Variants in SLC9A3 observed in about 807,000 individuals in gnomAD.
SLC9A3 encodes the protein solute carrier family 9 member A3, also known as sodium/hydrogen exchanger 3.
SLC9A3 carries 37 observed loss-of-function variants against 86.8 expected under a neutral mutation model. The ratio of observed to expected loss-of-function variants is 0.43; its 90% CI spans 0.33 to 0.56. SLC9A3 has a LOEUF of 0.56. Among genes scored for constraint, SLC9A3 ranks in the 20% least tolerant of loss-of-function variants. The pLI, the probability that SLC9A3 is intolerant of heterozygous loss-of-function variation, is 0.06. For synonymous variants in SLC9A3, 581 were observed against 528.3 expected (o/e 1.10, Z -1.37); for missense variants, 1,011 against 1,171.9 (o/e 0.86, Z 2.00).
At chr5:508,601 G>A (rs1740725526) in intron 1 of SLC9A3, among the ~76,000 whole-genome samples, 1 of 146,326 alleles carries the variant, frequency 6.8e-6, no homozygotes, top group Non-Finnish European at 1.5e-5. Context: ...GCCGCAGGGA[G>A]ACGCAGCCCA....
Position 479,860 on chromosome 5 carries a change from C to T in SLC9A3, c.1623G>A (p.Lys541=), listed in dbSNP as rs751837661. 9.9e-6 allele frequency: 16 copies of T among 1,613,718 alleles called. No individual in the cohort carries two copies. The highest frequency in any genetic ancestry group is 6.8e-6 in the Non-Finnish European group (8 of 1,180,018). Residue 541 remains lysine (K), a synonymous_variant, in exon 10 of 17, where the codon AAG becomes AAA. Coordinates refer to ENST00000264938, the MANE Select transcript of SLC9A3 (RefSeq NM_004174.4). ...CCTCAGCCACGTAGCTGATGGCATC[C>T]TTCAGGTTCAGCTCGTGGAAGACAT... The part of the protein sequence containing the change: ...ILNVFHELNL[K]DAISYVAEGE...
intron 10 of SLC9A3, 93 bp downstream of exon 10, chr5:479,743 G>A (rs1483966447): frequency 2.4e-5 from 33 of 1,351,128 alleles, no homozygotes; most frequent in Non-Finnish European, 3.2e-5. Context: ...TGGGACGCGG[G>A]TGCAGGGGCC....
chr5:523,851 C>T (rs1427056339), intron 1 of SLC9A3, among the ~76,000 whole-genome samples: 4 of 152,194 alleles, frequency 2.6e-5, no homozygotes, highest in Non-Finnish European at 5.9e-5. Context: ...GGCGGAGACC[C>T]CACAGGGACC....
chr5:490,544 G>A (rs903227733), intron 2 of SLC9A3, among the ~76,000 whole-genome samples: 23 of 152,284 alleles, frequency 1.5e-4, no homozygotes, highest in South Asian at 2.1e-4. Flanking sequence ...GAGTGTGCCC[G>A]GCTCTCAAAG....
intron 1 of SLC9A3, among the ~76,000 whole-genome samples, chr5:504,576 G>T (rs2126643168): frequency 6.6e-6 from 1 of 152,284 alleles, no homozygotes; most frequent in Non-Finnish European, 1.5e-5. Flanking sequence ...CGGGCTCACG[G>T]CCCCGCTGCC....
chr5:491,656 A>G lies in SLC9A3; in HGVS notation c.514+113T>C. 1.0e-6 allele frequency: 1 copy of G among 994,194 alleles called. No individual in the cohort carries two copies. Among genetic ancestry groups the G allele is most frequent in the Non-Finnish European group, 1.4e-6 (1 of 697,100 alleles). The allele number at this position is 994,194 out of a possible 1,614,324, so 61.6% of individuals were successfully genotyped here. On this transcript the variant is annotated intron_variant, in intron 2 of 16. Transcript: ENST00000264938. The surrounding 1 kb of genome is among the most constrained non-coding windows in gnomAD (Gnocchi z 9.2). ...CTGCCAGCCACGTTTCTCACCTGACACTTACCGCCTGGAGGCCAGGGTGCG... is the reference window on the plus strand; with the variant it reads ...CTGCCAGCCACGTTTCTCACCTGACGCTTACCGCCTGGAGGCCAGGGTGCG...
chr5:520,579 T>C (rs758897265), intron 1 of SLC9A3, among the ~76,000 whole-genome samples: 13 of 151,982 alleles, frequency 8.6e-5, no homozygotes, highest in Non-Finnish European at 1.8e-4. Context: ...CTCTGCCCCA[T>C]GGCCAGGCAG....
In SLC9A3 at chr5:512,480, T is replaced by C. The variant is rs369244594; in HGVS notation, c.211+11632A>G. Among the ~76,000 whole-genome samples the C allele has an allele frequency of 5.3e-3, 771 of 144,410 alleles. 7 individuals carry two copies. The highest frequency in any genetic ancestry group is 0.017 in the African/African-American group (680 of 40,716). The allele number at this position is 144,410 out of a possible 152,430, so 94.7% of individuals were successfully genotyped here. A position where few individuals can be genotyped will look rare whatever the true frequency, so the allele number is the denominator to read the frequency against. On this transcript the variant is annotated intron_variant, in intron 1 of 16. Transcript: ENST00000264938. The stretch of plus-strand genomic sequence containing the variant: ...TTAATTAATAATAATGTATCAAGAA[T>C]GAGCCCTAATATAAACTGTGGACCT...
chr5:483,242 G>A lies in SLC9A3; in HGVS notation c.1153+20C>T, dbSNP rs764023948. The A allele has an allele frequency of 1.3e-4, 194 of 1,524,676 alleles. 4 individuals are homozygous for A. Among genetic ancestry groups the A allele is most frequent in the South Asian group, 1.0e-3 (83 of 83,338 alleles). 94.4% of individuals were successfully genotyped at this position (1,524,676 alleles called of 1,614,324 possible). A position where few individuals can be genotyped will look rare whatever the true frequency, so the allele number is the denominator to read the frequency against. ...CCGGCCCATCGGTGGTCCCACGGCC[G>A]CAACCCGGCCCCGCCTCACCGATGG... On this transcript the variant is annotated intron_variant, in intron 6 of 16. Coordinates refer to ENST00000264938, the MANE Select transcript of SLC9A3 (RefSeq NM_004174.4).
intron 1 of SLC9A3, among the ~76,000 whole-genome samples, chr5:510,634 C>A (rs558546935): frequency 3.3e-5 from 5 of 152,348 alleles, no homozygotes; most frequent in African/African-American, 1.2e-4. Context: ...CAGGCATTTG[C>A]TGAGGGCCCG....
chr5:492,373 TAGGGGGGAA>T (rs1560961658), intron 1 of SLC9A3, among the ~76,000 whole-genome samples: 7 of 15,204 alleles, frequency 4.6e-4, no homozygotes, highest in South Asian at 2.7e-3. Context: ...GGGAGGGAGG[TAGGGGGGAA>T]CCCACAGGGG....
Position 482,553 on chromosome 5 carries a change from A to T in SLC9A3, c.1351T>A (p.Phe451Ile), listed in dbSNP as rs199716115. Residue 451 changes from phenylalanine to isoleucine, a missense_variant, in exon 7 of 17, where the codon TTC becomes ATC. This residue lies in a region of SLC9A3 where 565 missense variants were observed against 790.0 expected (regional missense o/e 0.72). Coordinates refer to ENST00000264938, the MANE Select transcript of SLC9A3 (RefSeq NM_004174.4). Reference sequence around the variant, plus strand: ...CTGGCTGGGCTGGGCCTCACCTGGAAGATGACGGTGAAGAACACTACGATG... The same window carrying T: ...CTGGCTGGGCTGGGCCTCACCTGGATGATGACGGTGAAGAACACTACGATG... ...TIIVVFFTVI[F>I]QGLTIKPLVQ... The T allele has an allele frequency of 3.1e-6, 5 of 1,609,548 alleles. No homozygotes were observed. The East Asian group carries it at 1.1e-4, about 36-fold the overall frequency.
intron 3 of SLC9A3, among the ~76,000 whole-genome samples, chr5:485,562 A>C (rs1739424915): frequency 6.6e-6 from 1 of 152,266 alleles, no homozygotes; most frequent in Non-Finnish European, 1.5e-5. Context: ...CCAGGGTGTC[A>C]GTTTGAGTGA....
At position 496,163 on chromosome 5, in the gene SLC9A3, G is replaced by A. The variant is rs1190532946; in HGVS notation, c.212-4092C>T. On this transcript the variant is annotated intron_variant, in intron 1 of 16. Coordinates refer to ENST00000264938, the MANE Select transcript of SLC9A3 (RefSeq NM_004174.4). The surrounding 1 kb of genome is among the most constrained non-coding windows in gnomAD (Gnocchi z 4.7). ...AACGCCGCATAGGTGGGAGGGCGGC[G>A]GTTTGGAACATTCTGCCATCCGGGG... 1.3e-5 allele frequency among the ~76,000 whole-genome samples: 2 copies of A among 152,238 alleles called. No individual in the cohort carries two copies. The highest frequency in any genetic ancestry group is 4.8e-5 in the African/African-American group (2 of 41,456).
Position 519,840 on chromosome 5 carries a change from G to T in SLC9A3, c.211+4272C>A, listed in dbSNP as rs1375812194. The stretch of plus-strand genomic sequence containing the variant: ...AACGCCGCTCAGAGGGGGGTGGGGG[G>T]GCTGCGCCGCTCAGAGCAGGGGGCT... On this transcript the variant is annotated intron_variant, in intron 1 of 16. Coordinates refer to ENST00000264938, the MANE Select transcript of SLC9A3 (RefSeq NM_004174.4). 9.2e-5 allele frequency among the ~76,000 whole-genome samples: 14 copies of T among 152,212 alleles called. 2 individuals carry two copies. Among genetic ancestry groups the T allele is most frequent in the African/African-American group, 3.4e-4 (14 of 41,538 alleles).
At position 484,648 on chromosome 5, in the gene SLC9A3, G is replaced by A. The variant is rs769006501; in HGVS notation, c.804C>T (p.Phe268=). 4.3e-6 allele frequency: 7 copies of A among 1,613,186 alleles called. No individual in the cohort carries two copies. Among genetic ancestry groups the A allele is most frequent in the Admixed American group, 1.7e-5 (1 of 60,030 alleles). Residue 268 remains phenylalanine, a synonymous_variant, in exon 5 of 17, where the codon TTC becomes TTT. Transcript: ENST00000264938. The part of the protein sequence containing the change: ...SLGGTLVGVV[F]AFLLSLVTRF... ...GCGTCACCAGCGACAGCAGGAAGGC[G>A]AAGACCACCCCCACCAGCGTGCCCC...
At chr5:507,159 G>T (rs1056047403) in intron 1 of SLC9A3, among the ~76,000 whole-genome samples, 2 of 60,478 alleles carry the variant, frequency 3.3e-5, no homozygotes, top group African/African-American at 6.8e-5. Context: ...GGATCCGGCT[G>T]CTGCTTCTTT....
intron 3 of SLC9A3, among the ~76,000 whole-genome samples, chr5:485,773 A>C (rs887423404): frequency 3.1e-4 from 47 of 152,362 alleles, no homozygotes; most frequent in African/African-American, 9.9e-4. Flanking sequence ...CTCTGCACCC[A>C]GCTCTGTGTC....
At chr5:506,864 G>A (rs555098211) in intron 1 of SLC9A3, among the ~76,000 whole-genome samples, 40 of 149,208 alleles carry the variant, frequency 2.7e-4, no homozygotes, top group African/African-American at 9.1e-4. Context: ...TCATGAGATC[G>A]AGACCAGCCT....
Sources: allele counts gnomAD v4.1 joint callset (sites outside exome capture counted in the v4.1 genomes callset), GRCh38; gene constraint gnomAD v4.1.1; regional missense constraint gnomAD v4.1.1; non-coding constraint Gnocchi (gnomAD v3.1); transcripts MANE v1.5; gene names NCBI Gene and HGNC (gene_info 2026-07-23, HGNC 2026-07-21).